Variants in CMIP observed in about 807,000 individuals in gnomAD.
CMIP encodes C-Maf-inducing protein.
A neutral mutation model predicts 97.3 loss-of-function variants in CMIP; 13 were observed. The ratio of observed to expected loss-of-function variants is 0.13; its 90% confidence interval spans 0.09 to 0.21. The LOEUF (loss-of-function observed/expected upper bound fraction) is 0.21. Among genes scored for constraint, CMIP ranks in the 10% least tolerant of loss-of-function variants. CMIP has a pLI of 1.00. For synonymous variants in CMIP, 538 were observed against 436.3 expected (o/e 1.23, Z -2.91); for missense variants, 847 against 1,024.9 (o/e 0.83, Z 2.37).
chr16:81,710,160 T>A lies in CMIP; in HGVS notation c.*361T>A. 1 of 296,514 alleles carries A rather than the reference T, an allele frequency of 3.4e-6. No individual in the cohort carries two copies. The highest frequency in any genetic ancestry group is 6.5e-6 in the Non-Finnish European group (1 of 154,710). 18.4% of individuals were successfully genotyped at this position (296,514 alleles called of 1,614,324 possible). On this transcript the variant is annotated 3_prime_UTR_variant, in exon 21 of 21. Transcript: ENST00000537098. ...ATGCCGTCGTGTGGGAAAAGTCAACTCCGATGCCACCATTGCGGGCCGGAC... is the reference window on the plus strand; with the variant it reads ...ATGCCGTCGTGTGGGAAAAGTCAACACCGATGCCACCATTGCGGGCCGGAC...
At chr16:81,685,396 A>G (rs1905272719) in intron 10 of CMIP, among the ~76,000 whole-genome samples, 5 of 152,272 alleles carry the variant, frequency 3.3e-5, no homozygotes, top group Admixed American at 6.5e-5. Context: ...AGGAGTAACA[A>G]GTGACCATGG....
intron 1 of CMIP, among the ~76,000 whole-genome samples, chr16:81,543,635 C>G (rs1257405691): frequency 6.6e-6 from 1 of 152,150 alleles, no homozygotes; most frequent in African/African-American, 2.4e-5. Context: ...CCCCCCGTTC[C>G]TCAGTTTCCC....
At chr16:81,470,057 T>C (rs1021068172) in intron 1 of CMIP, among the ~76,000 whole-genome samples, 1 of 152,240 alleles carries the variant, frequency 6.6e-6, no homozygotes, top group Non-Finnish European at 1.5e-5. Flanking sequence ...CTGTGTACTA[T>C]CTTGTGCAGA....
At chr16:81,509,787 C>A (rs528963043) in intron 1 of CMIP, among the ~76,000 whole-genome samples, 1 of 152,312 alleles carries the variant, frequency 6.6e-6, no homozygotes, top group East Asian at 1.9e-4. Flanking sequence ...TGGGTCTTAA[C>A]TGGGACCCAG....
intron 1 of CMIP, among the ~76,000 whole-genome samples, chr16:81,515,344 C>T (rs2089892037): frequency 6.6e-6 from 1 of 152,134 alleles, no homozygotes; most frequent in South Asian, 2.1e-4. Context: ...CGTTGTGGTC[C>T]CTCACGCTTC....
At chr16:81,552,916 T>C (rs900083828) in intron 1 of CMIP, among the ~76,000 whole-genome samples, 12 of 152,192 alleles carry the variant, frequency 7.9e-5, no homozygotes, top group African/African-American at 2.7e-4. Flanking sequence ...CTGCCAGTCC[T>C]TTCCAAGGGG....
In CMIP at chr16:81,711,412, A is replaced by C. The variant is rs1485919942; in HGVS notation, c.*1613A>C. 1.3e-5 allele frequency: 2 copies of C among 151,648 alleles called. No homozygotes were observed. The highest frequency in any genetic ancestry group is 4.8e-5 in the African/African-American group (2 of 41,266). 9.4% of individuals were successfully genotyped at this position (151,648 alleles called of 1,614,324 possible). A position where few individuals can be genotyped will look rare whatever the true frequency, so the allele number is the denominator to read the frequency against. On this transcript the variant is annotated 3_prime_UTR_variant, in exon 21 of 21. Coordinates refer to ENST00000537098, the MANE Select transcript of CMIP (RefSeq NM_198390.3). ...AAAAAAGAAACTGGGTTCCAGTCTT[A>C]ATTCATTTTCCGTGCCAGGTTTTAT... is the stretch of plus-strand genomic sequence containing the variant.
chr16:81,607,112 A>T (rs967028449), intron 1 of CMIP, among the ~76,000 whole-genome samples: 1 of 152,140 alleles, frequency 6.6e-6, no homozygotes, highest in African/African-American at 2.4e-5. Context: ...GGGTGGGGCT[A>T]TGGAGTTTTC....
At chr16:81,703,804 G>GC in intron 17 of CMIP, 135 bp from the exon 18 acceptor site, 1 of 1,255,864 alleles carries the variant, frequency 8.0e-7, no homozygotes, top group East Asian at 2.6e-5. Context: ...CCCCATCTCA[G>GC]CTCCTGGGAT....
At chr16:81,671,381 A>C (rs2092681884) in intron 8 of CMIP, among the ~76,000 whole-genome samples, 3 of 152,226 alleles carry the variant, frequency 2.0e-5, no homozygotes, top group African/African-American at 7.2e-5. Flanking sequence ...AGGACCACCA[A>C]AATAGCCAAG....
intron 1 of CMIP, among the ~76,000 whole-genome samples, chr16:81,513,583 C>G (rs2089854372): frequency 6.6e-6 from 1 of 152,222 alleles, no homozygotes; most frequent in Non-Finnish European, 1.5e-5. Context: ...ATTGTACCTC[C>G]AGCTTGTGCT....
chr16:81,509,900 T>A (rs1158295617), intron 1 of CMIP, among the ~76,000 whole-genome samples: 1 of 152,168 alleles, frequency 6.6e-6, no homozygotes, highest in Non-Finnish European at 1.5e-5. Flanking sequence ...TCTGATGCAG[T>A]GATTGGCTGG....
At chr16:81,586,035 C>T (rs1296141695) in intron 1 of CMIP, among the ~76,000 whole-genome samples, 4 of 151,706 alleles carry the variant, frequency 2.6e-5, no homozygotes, top group East Asian at 1.9e-4. Flanking sequence ...TTCTCACAGC[C>T]GGACTCCATT....
At chr16:81,524,744 C>G (rs537436533) in intron 1 of CMIP, among the ~76,000 whole-genome samples, 1 of 152,300 alleles carries the variant, frequency 6.6e-6, no homozygotes, top group African/African-American at 2.4e-5. Context: ...CTATTCTTGA[C>G]AGTAACTGCG....
At chr16:81,456,451 A>C (rs1192372642) in intron 1 of CMIP, among the ~76,000 whole-genome samples, 2 of 152,148 alleles carry the variant, frequency 1.3e-5, no homozygotes, top group Non-Finnish European at 2.9e-5. Flanking sequence ...GAGCACAGGA[A>C]CCCTGGCAGC....
At chr16:81,554,428 G>A (rs2090720946) in intron 1 of CMIP, among the ~76,000 whole-genome samples, 2 of 152,216 alleles carry the variant, frequency 1.3e-5, no homozygotes, top group African/African-American at 4.8e-5. Context: ...TCTCAGAACT[G>A]TGTGCCCTGG....
At chr16:81,520,569 G>GGGGAGAGAAAGA (rs370420453) in intron 1 of CMIP, 2 of 106,950 alleles carry the variant, frequency 1.9e-5, no homozygotes, top group African/African-American at 8.7e-5. Flanking sequence ...GGAGGAAGGG[G>GGGGAGAGAAAGA]GAGAGAGAGA....
intron 4 of CMIP, among the ~76,000 whole-genome samples, chr16:81,657,346 A>G (rs2092495098): frequency 6.6e-6 from 1 of 152,234 alleles, no homozygotes; most frequent in African/African-American, 2.4e-5. Context: ...GCTGCCTGGC[A>G]CAGATTAGGA....
intron 1 of CMIP, among the ~76,000 whole-genome samples, chr16:81,446,097 G>A (rs977968309): frequency 6.6e-6 from 1 of 152,078 alleles, no homozygotes; most frequent in Non-Finnish European, 1.5e-5. Context: ...AGAACGGGGT[G>A]CTTCCCTTTC....
Sources: allele counts gnomAD v4.1 joint callset (sites outside exome capture counted in the v4.1 genomes callset), GRCh38; gene constraint gnomAD v4.1.1; transcripts MANE v1.5; gene names NCBI Gene and HGNC (gene_info 2026-07-23, HGNC 2026-07-21).